The following SMIM14 variants were observed in gnomAD, a reference collection of about 807,000 sequenced individuals.
SMIM14 encodes the protein chromosome 4 open reading frame 34.
In SMIM14, 5 loss-of-function variants were observed where a neutral mutation model predicts 12.6. The ratio of observed to expected loss-of-function variants is 0.40; its 90% CI spans 0.21 to 0.83. SMIM14 has a LOEUF of 0.83. Among genes scored for constraint, SMIM14 ranks in the 40% least tolerant of loss-of-function variants. SMIM14 has a pLI of 0.37. For synonymous variants in SMIM14, 30 were observed against 40.1 expected (o/e 0.75, Z 0.95); for missense variants, 86 against 119.1 (o/e 0.72, Z 1.29).
At position 39,638,474 on chromosome 4, in the gene SMIM14, T is replaced by C. The variant is rs191676928; in HGVS notation, c.-36+265A>G. On this transcript the variant is annotated intron_variant, in intron 1 of 4. Transcript: ENST00000295958. Reference sequence around the variant, plus strand: ...AAAAATAAAACCACCCGTGGCTACCTTGCCCTTGCCTGCAAAGCCCCGACT... The same window carrying C: ...AAAAATAAAACCACCCGTGGCTACCCTGCCCTTGCCTGCAAAGCCCCGACT... 7.5e-3 allele frequency: 7,424 copies of C among 985,422 alleles called. 33 individuals carry two copies. The highest frequency in any genetic ancestry group is 7.8e-3 in the Non-Finnish European group (6,502 of 829,912). The allele number at this position is 985,422 out of a possible 1,614,324, so 61.0% of individuals were successfully genotyped here.
chr4:39,594,369 G>C (rs1714262200), intron 2 of SMIM14: 1 of 152,136 alleles, frequency 6.6e-6, no homozygotes, highest in South Asian at 2.1e-4. Flanking sequence ...GCTGAAACTG[G>C]ATCATTTCCT....
At chr4:39,553,051 T>C (rs1221484534) in intron 4 of SMIM14, among the ~76,000 whole-genome samples, 1 of 151,820 alleles carries the variant, frequency 6.6e-6, no homozygotes, top group Non-Finnish European at 1.5e-5. Flanking sequence ...ATTTCTGTCA[T>C]TTTAATAGTT....
intron 1 of SMIM14, among the ~76,000 whole-genome samples, chr4:39,628,866 G>C (rs974768510): frequency 4.6e-4 from 69 of 150,588 alleles, no homozygotes; most frequent in Admixed American, 2.5e-3. Context: ...CCAAGTATCT[G>C]GGATTACAGG....
Position 39,590,022 on chromosome 4 carries a change from CAAAAAAAAAA to C in SMIM14, c.75+15039_75+15048del, listed in dbSNP as rs34159677. Reference sequence around the variant, plus strand: ...TGGGCAACACAGCAAGACTCTGTTTCAAAAAAAAAAAAAAAAAAAAAAAGAATACTAAAGT... The same window carrying C: ...TGGGCAACACAGCAAGACTCTGTTTCAAAAAAAAAAAAAGAATACTAAAGT... On this transcript the variant is annotated intron_variant, in intron 2 of 4. Transcript: ENST00000295958. Among the ~76,000 whole-genome samples, 47 of 71,338 alleles carry C rather than the reference CAAAAAAAAAA, an allele frequency of 6.6e-4. 2 individuals carry two copies. In the South Asian group the frequency reaches 0.022, roughly 34 times the overall value. 46.8% of individuals were successfully genotyped at this position (71,338 alleles called of 152,430 possible).
At chr4:39,568,652 A>C (rs28416009) in intron 3 of SMIM14, among the ~76,000 whole-genome samples, 2,360 of 152,308 alleles carry the variant, frequency 0.015, 46 homozygotes, top group African/African-American at 0.054. Context: ...TTAAAAAATA[A>C]CTTTTTCCAA....
At position 39,614,185 on chromosome 4, in the gene SMIM14, CAAAAAAAA is replaced by C. The variant is rs60332502; in HGVS notation, c.-35-9013_-35-9006del. Among the ~76,000 whole-genome samples, 102 of 102,290 alleles carry C rather than the reference CAAAAAAAA, an allele frequency of 1.0e-3. 1 individual carries two copies. The highest frequency in any genetic ancestry group is 5.7e-3 in the Admixed American group (50 of 8,816). 67.1% of individuals were successfully genotyped at this position (102,290 alleles called of 152,430 possible). ...GGGCAACAAGAGCGAAACTCCATTA[CAAAAAAAA>C]AAAAAAAAAAGAAAATTCAAAATAA... On this transcript the variant is annotated intron_variant, in intron 1 of 4. Transcript: ENST00000295958.
intron 2 of SMIM14, among the ~76,000 whole-genome samples, chr4:39,574,349 G>T (rs959858965): frequency 1.3e-5 from 2 of 151,798 alleles, no homozygotes; most frequent in East Asian, 1.9e-4. Context: ...TGCCTCCCGG[G>T]TTCAAGCAAT....
chr4:39,586,542 GT>G (rs2110031213), intron 2 of SMIM14, among the ~76,000 whole-genome samples: 1 of 152,074 alleles, frequency 6.6e-6, no homozygotes, highest in Non-Finnish European at 1.5e-5. Flanking sequence ...TATGTATTCT[GT>G]AAGATGGAAG....
intron 1 of SMIM14, among the ~76,000 whole-genome samples, chr4:39,621,695 T>C (rs866875550): frequency 0.068 from 9,989 of 147,574 alleles, 1,066 homozygotes; most frequent in African/African-American, 0.24. Flanking sequence ...TCTTTTTTTT[T>C]TTTTTTTTTT....
chr4:39,636,738 A>T (rs1333057524), intron 1 of SMIM14, among the ~76,000 whole-genome samples: 1 of 152,192 alleles, frequency 6.6e-6, no homozygotes, highest in East Asian at 1.9e-4. Context: ...TAAAGCCCAT[A>T]TAGTACAGAA....
intron 2 of SMIM14, among the ~76,000 whole-genome samples, chr4:39,602,924 T>C (rs573217842): frequency 6.6e-6 from 1 of 152,312 alleles, no homozygotes; most frequent in South Asian, 2.1e-4. Context: ...CAAATGTTTG[T>C]ACGTACCTTT....
intron 2 of SMIM14, among the ~76,000 whole-genome samples, chr4:39,583,759 C>G (rs552953228): frequency 6.6e-6 from 1 of 152,210 alleles, no homozygotes; most frequent in African/African-American, 2.4e-5. Flanking sequence ...AGATAAGACC[C>G]TGAGTTATTT....
At chr4:39,585,755 G>C (rs1713754641) in intron 2 of SMIM14, among the ~76,000 whole-genome samples, 1 of 151,998 alleles carries the variant, frequency 6.6e-6, no homozygotes, top group Non-Finnish European at 1.5e-5. Flanking sequence ...AAGGCTCCAG[G>C]TAGCACCAAC....
chr4:39,578,591 G>A (rs1713325863), intron 2 of SMIM14, among the ~76,000 whole-genome samples: 1 of 152,152 alleles, frequency 6.6e-6, no homozygotes, highest in African/African-American at 2.4e-5. Flanking sequence ...TTGCTGTCCA[G>A]GAAACCATTC....
chr4:39,612,444 A>G (rs541521025), intron 1 of SMIM14, among the ~76,000 whole-genome samples: 2 of 152,240 alleles, frequency 1.3e-5, no homozygotes, highest in East Asian at 1.9e-4. Flanking sequence ...AACTACAGAT[A>G]CTGGTCCATC....
intron 3 of SMIM14, among the ~76,000 whole-genome samples, chr4:39,563,282 G>A (rs1036626675): frequency 2.0e-5 from 3 of 151,922 alleles, no homozygotes; most frequent in Admixed American, 6.6e-5. Context: ...GGCTGGTCTC[G>A]AACTCCTGAT....
At chr4:39,568,987 T>C (rs753429121) in intron 3 of SMIM14, among the ~76,000 whole-genome samples, 13 of 152,218 alleles carry the variant, frequency 8.5e-5, no homozygotes, top group Non-Finnish European at 1.6e-4. Context: ...TATTTGGTTA[T>C]AGGCGGGGCT....
intron 2 of SMIM14, among the ~76,000 whole-genome samples, chr4:39,586,329 C>G (rs757147043): frequency 6.6e-6 from 1 of 151,978 alleles, no homozygotes; most frequent in African/African-American, 2.4e-5. Context: ...GCTTAGAAAT[C>G]TCCTCAGCTA....
At chr4:39,635,849 AT>A (rs1158732426) in intron 1 of SMIM14, among the ~76,000 whole-genome samples, 6 of 152,060 alleles carry the variant, frequency 3.9e-5, no homozygotes, top group Non-Finnish European at 7.4e-5. Context: ...ACTGGACTAA[AT>A]GGGCACACAC....
Sources: allele counts gnomAD v4.1 joint callset (sites outside exome capture counted in the v4.1 genomes callset), GRCh38; gene constraint gnomAD v4.1.1; transcripts MANE v1.5; gene names NCBI Gene and HGNC (gene_info 2026-07-23, HGNC 2026-07-21).